MTHFD2L: variants seen among roughly 807,000 people sequenced by gnomAD.
The protein encoded by MTHFD2L is methylenetetrahydrofolate dehydrogenase (NADP+ dependent) 2 like, also known as bifunctional methylenetetrahydrofolate dehydrogenase/cyclohydrolase 2, mitochondrial.
Under a neutral mutation model 34.9 loss-of-function variants are expected in MTHFD2L, and 29 were observed. The observed-to-expected ratio is 0.83, with a 90% CI of 0.62 to 1.13. The LOEUF (loss-of-function observed/expected upper bound fraction) is 1.13. Among genes scored for constraint, MTHFD2L ranks in the 50% most tolerant of loss-of-function variants. The pLI, the probability that MTHFD2L is intolerant of heterozygous loss-of-function variation, is 0.00. For synonymous variants in MTHFD2L, 167 were observed against 155.7 expected (o/e 1.07, Z -0.54); for missense variants, 481 against 446.5 (o/e 1.08, Z -0.70).
At chr4:74,150,517 G>A (rs1360654599) in intron 1 of MTHFD2L, among the ~76,000 whole-genome samples, 1 of 152,164 alleles carries the variant, frequency 6.6e-6, no homozygotes, top group African/African-American at 2.4e-5. Flanking sequence ...GCTTCCCAAA[G>A]TCCTGGGATT....
chr4:74,156,709 C>T (rs897262489), upstream of MTHFD2L: 1 of 152,188 alleles, frequency 6.6e-6, no homozygotes, highest in African/African-American at 2.4e-5. Context: ...ACATCCTTGC[C>T]AGCATTTCGT....
upstream of MTHFD2L, among the ~76,000 whole-genome samples, chr4:74,123,925 T>C (rs534904445): frequency 3.7e-4 from 56 of 152,280 alleles, no homozygotes; most frequent in African/African-American, 1.3e-3. Flanking sequence ...TCTATCTCTA[T>C]ACCTCTCAGA....
chr4:74,152,685 C>A (rs1038040198), intron 1 of MTHFD2L, among the ~76,000 whole-genome samples: 2 of 152,158 alleles, frequency 1.3e-5, no homozygotes, highest in South Asian at 4.1e-4. Flanking sequence ...TGTCTCCACC[C>A]CCTGACAGGC....
intron 1 of MTHFD2L, among the ~76,000 whole-genome samples, chr4:74,138,489 G>A (rs893239674): frequency 6.6e-6 from 1 of 152,178 alleles, no homozygotes; most frequent in Non-Finnish European, 1.5e-5. Context: ...ATGGGTCATG[G>A]TAGAGAACTG....
At chr4:74,198,598 AT>A (rs910479287) in intron 3 of MTHFD2L, among the ~76,000 whole-genome samples, 35 of 152,074 alleles carry the variant, frequency 2.3e-4, no homozygotes, top group African/African-American at 7.2e-4. Flanking sequence ...CATCACCTAG[AT>A]TTTTTTTAAA....
At chr4:74,175,783 T>C (rs570777716) in intron 3 of MTHFD2L, among the ~76,000 whole-genome samples, 90 of 152,188 alleles carry the variant, frequency 5.9e-4, no homozygotes, top group African/African-American at 1.9e-3. Flanking sequence ...CATAAATGTA[T>C]AGGGAAATGA....
chr4:74,298,330 T>G (rs570671837), intron 7 of MTHFD2L, among the ~76,000 whole-genome samples: 1 of 152,056 alleles, frequency 6.6e-6, no homozygotes, highest in African/African-American at 2.4e-5. Context: ...CTATTACCCC[T>G]TACATAGCCT....
At chr4:74,243,325 C>T (rs939503021) in intron 6 of MTHFD2L, among the ~76,000 whole-genome samples, 1 of 152,170 alleles carries the variant, frequency 6.6e-6, no homozygotes, top group African/African-American at 2.4e-5. Context: ...AGGAACTCTG[C>T]AGGTTATCTT....
intron 6 of MTHFD2L, among the ~76,000 whole-genome samples, chr4:74,238,047 T>C (rs1202180791): frequency 1.3e-5 from 2 of 152,198 alleles, no homozygotes; most frequent in Non-Finnish European, 2.9e-5. Context: ...TTATTAGATC[T>C]ATAGTCATTA....
At chr4:74,145,517 A>G (rs1025819288) in intron 1 of MTHFD2L, among the ~76,000 whole-genome samples, 4 of 152,246 alleles carry the variant, frequency 2.6e-5, no homozygotes, top group Admixed American at 6.5e-5. Flanking sequence ...AACTCTATTT[A>G]TTAGAGACCT....
chr4:74,157,914 G>A, upstream of MTHFD2L: 1 of 723,250 alleles, frequency 1.4e-6, no homozygotes, highest in Admixed American at 2.0e-5. Flanking sequence ...AGAGGGCCCG[G>A]GACTTGGGTC....
chr4:74,188,197 G>A (rs1364978035), intron 3 of MTHFD2L, among the ~76,000 whole-genome samples: 13 of 152,188 alleles, frequency 8.5e-5, no homozygotes, highest in Non-Finnish European at 7.3e-5. Flanking sequence ...GTATTAGTCT[G>A]CTTCATCTAT....
chr4:74,274,981 T>C lies in MTHFD2L; in HGVS notation c.806-6444T>C, dbSNP rs529252406. Among the ~76,000 whole-genome samples the C allele has an allele frequency of 2.0e-5, 3 of 152,292 alleles. No individual in the cohort carries two copies. In the East Asian group the frequency reaches 5.8e-4, roughly 29 times the overall value. On this transcript the variant is annotated intron_variant, in intron 6 of 7. Transcript: ENST00000325278. ...TTTCTACTTTAAGTTCCAGGATACA[T>C]GTGCAGAATGTGCAGGTTTATTACA...
At chr4:74,242,517 T>C (rs776812250) in intron 6 of MTHFD2L, among the ~76,000 whole-genome samples, 15 of 152,174 alleles carry the variant, frequency 9.9e-5, no homozygotes, top group Admixed American at 5.9e-4. Context: ...TTATTATTTC[T>C]ATATTATAGA....
intron 6 of MTHFD2L, among the ~76,000 whole-genome samples, chr4:74,254,004 C>T (rs921244459): frequency 2.0e-5 from 3 of 152,148 alleles, no homozygotes; most frequent in African/African-American, 2.4e-5. Context: ...GGACAGGGTC[C>T]ATGGACTCAG....
intron 1 of MTHFD2L, among the ~76,000 whole-genome samples, chr4:74,166,431 A>G (rs1216618764): frequency 1.3e-5 from 2 of 152,148 alleles, no homozygotes; most frequent in Non-Finnish European, 2.9e-5. Flanking sequence ...TTACTTGTGC[A>G]TTGTTTGAGC....
intron 5 of MTHFD2L, among the ~76,000 whole-genome samples, chr4:74,206,008 C>T (rs1578461863): frequency 6.6e-6 from 1 of 151,892 alleles, no homozygotes; most frequent in Admixed American, 6.6e-5. Context: ...TGTTTGAGTA[C>T]CATTGTGACC....
At chr4:74,155,902 T>C (rs919626410), upstream of MTHFD2L, among the ~76,000 whole-genome samples, 4 of 52,934 alleles carry the variant, frequency 7.6e-5, no homozygotes, top group African/African-American at 3.0e-4. Flanking sequence ...AGCCATTCCA[T>C]GTGATTTAAA....
chr4:74,277,350 C>T (rs896012226), intron 6 of MTHFD2L, among the ~76,000 whole-genome samples: 2 of 151,980 alleles, frequency 1.3e-5, no homozygotes, highest in Non-Finnish European at 2.9e-5. Flanking sequence ...CACTGAGGAA[C>T]ATCCCGTTCT....
Sources: allele counts gnomAD v4.1 joint callset (sites outside exome capture counted in the v4.1 genomes callset), GRCh38; gene constraint gnomAD v4.1.1; transcripts MANE v1.5; gene names NCBI Gene and HGNC (gene_info 2026-07-23, HGNC 2026-07-21).